Variants in P2RX7 observed in about 807,000 individuals in gnomAD.
P2RX7 encodes P2X purinoceptor 7.
In P2RX7, 62 loss-of-function variants were observed where a neutral mutation model predicts 71.6. The ratio of observed to expected loss-of-function variants is 0.87; its 90% CI spans 0.71 to 1.07. The LOEUF is 1.07. Ranked by LOEUF, P2RX7 falls within the 50% of genes least tolerant of loss-of-function variation. P2RX7 has a pLI of 0.00. For synonymous variants in P2RX7, 299 were observed against 283.3 expected (o/e 1.06, Z -0.56); for missense variants, 686 against 748.5 (o/e 0.92, Z 0.97).
intron 1 of P2RX7, among the ~76,000 whole-genome samples, chr12:121,136,924 C>T (rs1452087482): frequency 2.0e-5 from 3 of 152,162 alleles, no homozygotes. Flanking sequence ...GCTGGGATTA[C>T]AGGTGTGGGT....
At chr12:121,159,142 G>A in intron 3 of P2RX7, among the ~76,000 whole-genome samples, 1 of 152,164 alleles carries the variant, frequency 6.6e-6, no homozygotes, top group Non-Finnish European at 1.5e-5. Flanking sequence ...TTGTTGGCTG[G>A]GCATGATGGC....
intron 4 of P2RX7, among the ~76,000 whole-genome samples, chr12:121,161,431 T>G (rs965742080): frequency 4.6e-5 from 7 of 152,304 alleles, no homozygotes; most frequent in Admixed American, 1.3e-4. Flanking sequence ...GATTTTGATT[T>G]TATTTATATC....
In P2RX7 at chr12:121,145,464, A is replaced by T. The variant is rs147329451; in HGVS notation, c.126-9321A>T. Among the ~76,000 whole-genome samples, 5 of 150,732 alleles carry T rather than the reference A, an allele frequency of 3.3e-5. No homozygotes were observed. The East Asian group carries it at 9.7e-4, about 29-fold the overall frequency. On this transcript the variant is annotated intron_variant, in intron 1 of 12. Coordinates refer to ENST00000328963, the MANE Select transcript of P2RX7 (RefSeq NM_002562.6). ...TGGGTAGAGGAGTGAGTGAATCAAGATGCGGAAGTGGATGTGATGACTCGC... is the reference window on the plus strand; with the variant it reads ...TGGGTAGAGGAGTGAGTGAATCAAGTTGCGGAAGTGGATGTGATGACTCGC...
intron 3 of P2RX7, among the ~76,000 whole-genome samples, chr12:121,159,684 G>A (rs1424109469): frequency 6.6e-6 from 1 of 152,136 alleles, no homozygotes; most frequent in Non-Finnish European, 1.5e-5. Context: ...AAAACAGGAA[G>A]AGAAATATGC....
intron 5 of P2RX7, among the ~76,000 whole-genome samples, chr12:121,165,022 A>G (rs208303): frequency 0.3 from 45,286 of 151,772 alleles, 6,971 homozygotes; most frequent in African/African-American, 0.33. Flanking sequence ...TCACTATCAC[A>G]AGAACAGCAA....
intron 8 of P2RX7, among the ~76,000 whole-genome samples, chr12:121,173,630 C>T (rs1882582868): frequency 6.6e-6 from 1 of 152,144 alleles, no homozygotes; most frequent in Admixed American, 6.6e-5. Context: ...AAAGAATGGT[C>T]CAGAGCTTTA....
chr12:121,140,384 T>C (rs1874601942), intron 1 of P2RX7, among the ~76,000 whole-genome samples: 2 of 152,122 alleles, frequency 1.3e-5, no homozygotes, highest in Non-Finnish European at 2.9e-5. Context: ...ACCATCTCAC[T>C]CATGTTTCTA....
In P2RX7 at chr12:121,184,813, C is replaced by T. The variant is rs201900938; in HGVS notation, c.*11C>T. 8.0e-5 allele frequency: 122 copies of T among 1,524,064 alleles called. No individual in the cohort carries two copies. Among genetic ancestry groups the T allele is most frequent in the Middle Eastern group, 3.7e-4 (2 of 5,426 alleles). 94.4% of individuals were successfully genotyped at this position (1,524,064 alleles called of 1,614,324 possible). On this transcript the variant is annotated 3_prime_UTR_variant, in exon 13 of 13. Transcript: ENST00000328963. ...AAGAGTCCTTACTGAAGCCAGGCAC[C>T]GTGGCTCACGTCTGTAATCCCAGCG...
chr12:121,172,405 G>A (rs550134165), intron 8 of P2RX7, among the ~76,000 whole-genome samples: 2 of 152,338 alleles, frequency 1.3e-5, no homozygotes, highest in East Asian at 3.9e-4. Flanking sequence ...TGAGGTGGGT[G>A]CATCACTTGA....
intron 7 of P2RX7, among the ~76,000 whole-genome samples, chr12:121,166,646 G>A (rs1881095557): frequency 1.3e-5 from 2 of 152,200 alleles, no homozygotes; most frequent in South Asian, 4.2e-4. Context: ...CCTATCCTGT[G>A]TCCAATCTCC....
chr12:121,147,311 A>T (rs1387591962), intron 1 of P2RX7, among the ~76,000 whole-genome samples: 1 of 152,118 alleles, frequency 6.6e-6, no homozygotes, highest in Non-Finnish European at 1.5e-5. Context: ...CCTTCCTTAT[A>T]GAGTTGGTTT....
chr12:121,163,590 T>C lies in P2RX7; in HGVS notation c.533+1070T>C, dbSNP rs1443248699. The stretch of plus-strand genomic sequence containing the variant: ...GATAGATAAATAGATAATAGATAGA[T>C]AGACAGGTAGATAGATAGATAGATA... On this transcript the variant is annotated intron_variant, in intron 5 of 12. Transcript: ENST00000328963. Among the ~76,000 whole-genome samples the C allele has an allele frequency of 5.9e-5, 4 of 68,040 alleles. No homozygotes were observed. The Admixed American group carries it at 7.0e-4, about 12-fold the overall frequency. 44.6% of individuals were successfully genotyped at this position (68,040 alleles called of 152,430 possible). A position where few individuals can be genotyped will look rare whatever the true frequency, so the allele number is the denominator to read the frequency against.
At chr12:121,167,812 T>A (rs1012306693) in intron 8 of P2RX7, among the ~76,000 whole-genome samples, 188 bp downstream of exon 8, 1 of 151,130 alleles carries the variant, frequency 6.6e-6, no homozygotes, top group Non-Finnish European at 1.5e-5. Context: ...CTTTATTTTT[T>A]ACTTATTTTT....
At chr12:121,169,200 C>T in intron 8 of P2RX7, among the ~76,000 whole-genome samples, 1 of 152,154 alleles carries the variant, frequency 6.6e-6, no homozygotes, top group East Asian at 1.9e-4. Context: ...ACTCCTGGCT[C>T]AAGCAATCCG....
chr12:121,135,885 T>A (rs1873428739), intron 1 of P2RX7, among the ~76,000 whole-genome samples: 1 of 148,994 alleles, frequency 6.7e-6, no homozygotes, highest in Non-Finnish European at 1.5e-5. Context: ...GTGCCTGTAA[T>A]CCCAGCTACT....
At chr12:121,134,364 C>T (rs890352683) in intron 1 of P2RX7, among the ~76,000 whole-genome samples, 9 of 152,086 alleles carry the variant, frequency 5.9e-5, no homozygotes, top group African/African-American at 1.7e-4. Context: ...CGCTTGTTAT[C>T]GTCTGTCTTT....
chr12:121,175,546 C>T (rs1593134732), intron 9 of P2RX7, 68 bp downstream of exon 9: 3 of 776,126 alleles, frequency 3.9e-6, no homozygotes, highest in East Asian at 4.9e-5. Context: ...GCTGTGGGGC[C>T]TCCATGGAGG....
chr12:121,157,534 C>T (rs1344000217), intron 3 of P2RX7, among the ~76,000 whole-genome samples: 1 of 152,204 alleles, frequency 6.6e-6, no homozygotes, highest in Non-Finnish European at 1.5e-5. Context: ...TCTCCCTTCC[C>T]AGCAGTGTTC....
chr12:121,161,735 T>A (rs566594665), intron 4 of P2RX7, among the ~76,000 whole-genome samples: 1 of 146,552 alleles, frequency 6.8e-6, no homozygotes, highest in East Asian at 2.0e-4. Flanking sequence ...GAGGTTGCAG[T>A]GAGCCAAGAT....
Sources: allele counts gnomAD v4.1 joint callset (sites outside exome capture counted in the v4.1 genomes callset), GRCh38; gene constraint gnomAD v4.1.1; transcripts MANE v1.5; gene names NCBI Gene and HGNC (gene_info 2026-07-23, HGNC 2026-07-21).